The following ANK2 variants were observed in gnomAD, a reference collection of about 807,000 sequenced individuals.
ANK2 encodes ankyrin-2.
A neutral mutation model predicts 360.5 loss-of-function variants in ANK2; 83 were observed. The observed-to-expected ratio is 0.23, with a 90% confidence interval of 0.19 to 0.28. The LOEUF (loss-of-function observed/expected upper bound fraction) is 0.28. Ranked by LOEUF, ANK2 falls within the 10% of genes least tolerant of loss-of-function variation. The pLI is 1.00. For synonymous variants in ANK2, 1,740 were observed against 1,759.5 expected (o/e 0.99, Z 0.28); for missense variants, 4,201 against 4,795.7 (o/e 0.88, Z 3.66).
At chr4:112,778,365 T>A in the ANK2 span, among the ~76,000 whole-genome samples, 1 of 151,896 alleles carries the variant, frequency 6.6e-6, no homozygotes, top group South Asian at 2.1e-4. Flanking sequence ...AGAGATGGGG[T>A]TTCACCAAGT....
chr4:112,904,436 C>T lies in ANK2; in HGVS notation c.-39-19C>T. On this transcript the variant is annotated intron_variant, in intron 1 of 30. Coordinates refer to the ANK2 transcript ENST00000503271. Reference sequence around the variant, plus strand: ...AATGATTTCAAACTTCTAATATTTTCTCTTTTTTATCCTTTTAGGTAAGTA... The same window carrying T: ...AATGATTTCAAACTTCTAATATTTTTTCTTTTTTATCCTTTTAGGTAAGTA... 4 of 1,287,636 alleles carry T rather than the reference C, an allele frequency of 3.1e-6. No individual in the cohort carries two copies. The South Asian group carries it at 6.0e-5, about 19-fold the overall frequency. 79.8% of individuals were successfully genotyped at this position (1,287,636 alleles called of 1,614,324 possible). A position where few individuals can be genotyped will look rare whatever the true frequency, so the allele number is the denominator to read the frequency against.
intron 1 of ANK2, among the ~76,000 whole-genome samples, chr4:113,078,332 G>C (rs2080960536): frequency 6.6e-6 from 1 of 152,160 alleles, no homozygotes; most frequent in South Asian, 2.1e-4. Context: ...AACAATCTGT[G>C]ATGTCATTGG....
In ANK2 at chr4:113,358,489, C is replaced by T. The variant is rs869025361; in HGVS notation, c.9871C>T (p.Pro3291Ser). ...ATCAGTAATCGAGATTCCTACTGCACCCATGGAGAATGTGCCTTTTACTGA... is the reference window on the plus strand; with the variant it reads ...ATCAGTAATCGAGATTCCTACTGCATCCATGGAGAATGTGCCTTTTACTGA... ...QKSVIEIPTAPMENVPFTESK... is the reference protein window; with the variant it reads ...QKSVIEIPTASMENVPFTESK... The change falls in exon 38 of 46, where the codon CCC (proline) becomes TCC (serine). Residue 3291 changes from proline to serine, a missense_variant. Pro to Ser is a moderately conservative substitution (Grantham distance 74). Transcript: ENST00000357077. 1 of 1,614,094 alleles carries T rather than the reference C, an allele frequency of 6.2e-7. No individual in the cohort carries two copies. Among genetic ancestry groups the T allele is most frequent in the South Asian group, 1.1e-5 (1 of 91,092 alleles).
intron 1 of ANK2, among the ~76,000 whole-genome samples, chr4:112,889,757 C>G (rs1213357176): frequency 6.6e-6 from 1 of 152,150 alleles, no homozygotes; most frequent in Non-Finnish European, 1.5e-5. Context: ...CACATCCCAG[C>G]TGTTCGAGAA....
In ANK2 at chr4:113,062,714, G is replaced by A. The variant is rs375782496; in HGVS notation, c.84+12902G>A. Among the ~76,000 whole-genome samples the A allele has an allele frequency of 5.3e-5, 8 of 152,136 alleles. No individual in the cohort carries two copies. In the South Asian group the frequency reaches 6.2e-4, roughly 12 times the overall value. ...CATCACAGGAGTGATTAATACTTAC[G>A]CAGATATGGCTGGCTAGGTCTTTCA... On this transcript the variant is annotated intron_variant, in intron 1 of 45. Transcript: ENST00000357077.
intron 42 of ANK2, 23 bp from the exon 43 acceptor site, chr4:113,369,491 C>G (rs748655567): frequency 1.2e-6 from 2 of 1,612,056 alleles, no homozygotes; most frequent in Non-Finnish European, 1.7e-6. Context: ...TCCCTGAAGT[C>G]TCATTTGGCT....
At chr4:113,228,222 G>A (rs1419140137) in intron 4 of ANK2, among the ~76,000 whole-genome samples, 1 of 152,006 alleles carries the variant, frequency 6.6e-6, no homozygotes, top group African/African-American at 2.4e-5. Flanking sequence ...AAGGGAACAG[G>A]TGGTGTTTAG....
intron 1 of ANK2, among the ~76,000 whole-genome samples, chr4:112,887,999 A>G (rs2078898461): frequency 6.6e-6 from 1 of 152,250 alleles, no homozygotes; most frequent in South Asian, 2.1e-4. Context: ...TTTCAAGAAA[A>G]GCCTGCAGAG....
At chr4:112,759,657 C>T in the ANK2 span, among the ~76,000 whole-genome samples, 4 of 152,220 alleles carry the variant, frequency 2.6e-5, no homozygotes, top group South Asian at 6.2e-4. Context: ...TTTACCCTCC[C>T]ATTTTCTGAT....
chr4:112,720,621 G>A, the ANK2 span, among the ~76,000 whole-genome samples: 5 of 152,128 alleles, frequency 3.3e-5, no homozygotes, highest in Non-Finnish European at 4.4e-5. Context: ...GTAGAACAAT[G>A]CCTGTCATAT....
intron 1 of ANK2, among the ~76,000 whole-genome samples, chr4:113,147,707 G>A (rs1173216456): frequency 6.6e-6 from 1 of 152,326 alleles, no homozygotes; most frequent in Admixed American, 6.5e-5. Flanking sequence ...TGGACTTTAT[G>A]TCTTCCAAAT....
the ANK2 span, among the ~76,000 whole-genome samples, chr4:112,811,331 T>C: frequency 6.6e-6 from 1 of 152,216 alleles, no homozygotes; most frequent in Non-Finnish European, 1.5e-5. Flanking sequence ...AACTCTCTGC[T>C]GTATTTCCTG....
chr4:112,708,990 C>T, the ANK2 span, among the ~76,000 whole-genome samples: 2 of 152,072 alleles, frequency 1.3e-5, no homozygotes, highest in Admixed American at 6.6e-5. Context: ...CTAAAGTGGT[C>T]CAGTACCTTC....
At chr4:112,812,074 C>CAAAA in the ANK2 span, among the ~76,000 whole-genome samples, 306 of 79,126 alleles carry the variant, frequency 3.9e-3, 12 homozygotes, top group East Asian at 0.027. Flanking sequence ...GACTCCGTCT[C>CAAAA]AAAAAAAAAA....
intron 2 of ANK2, among the ~76,000 whole-genome samples, chr4:113,033,594 A>AGTGTGTGTGTGC (rs1309090442): frequency 6.6e-6 from 1 of 151,918 alleles, no homozygotes; most frequent in East Asian, 1.9e-4. Context: ...TTGAGAAAAA[A>AGTGTGTGTGTGC]GTGTGTGTGT....
At chr4:113,077,478 T>A (rs1201385512) in intron 1 of ANK2, among the ~76,000 whole-genome samples, 1 of 152,198 alleles carries the variant, frequency 6.6e-6, no homozygotes, top group African/African-American at 2.4e-5. Context: ...AAATCTGGGT[T>A]GTTTTAAGAG....
chr4:113,162,571 T>A (rs2097575001), intron 1 of ANK2, among the ~76,000 whole-genome samples: 1 of 152,140 alleles, frequency 6.6e-6, no homozygotes, highest in Non-Finnish European at 1.5e-5. Flanking sequence ...GCAGGAACCT[T>A]TATCAAACAC....
In ANK2 at chr4:113,140,892, C is replaced by T. The variant is rs192961019; in HGVS notation, c.85-33524C>T. Among the ~76,000 whole-genome samples, 6 of 152,056 alleles carry T rather than the reference C, an allele frequency of 3.9e-5. No homozygotes were observed. In the East Asian group the frequency reaches 1.2e-3, roughly 29 times the overall value. ...ACTTGGGAGGCTGAGGCAGGAGAAT[C>T]ACTTGAACCCAGGAGGCGGAGGTTG... On this transcript the variant is annotated intron_variant, in intron 1 of 45. Transcript: ENST00000357077.
intron 10 of ANK2, among the ~76,000 whole-genome samples, chr4:113,252,255 C>T (rs2046870833): frequency 6.6e-6 from 1 of 152,148 alleles, no homozygotes; most frequent in South Asian, 2.1e-4. Context: ...GGGGAATCCG[C>T]CCTCCTGATT....
Sources: allele counts gnomAD v4.1 joint callset (sites outside exome capture counted in the v4.1 genomes callset), GRCh38; gene constraint gnomAD v4.1.1; transcripts MANE v1.5; gene names NCBI Gene and HGNC (gene_info 2026-07-23, HGNC 2026-07-21).